LARP1B: variants seen among roughly 807,000 people sequenced by gnomAD.
LARP1B encodes la-related protein 1B.
LARP1B carries 76 observed loss-of-function variants against 114.2 expected under a neutral mutation model. The observed-to-expected ratio is 0.67, with a 90% CI of 0.55 to 0.81. The LOEUF (loss-of-function observed/expected upper bound fraction) is 0.81. LARP1B is among the 30% of genes least tolerant of loss of function. The probability of loss-of-function intolerance (pLI) is 0.00; values close to 1 mark genes in which losing one functional copy is unlikely to be tolerated. For synonymous variants in LARP1B, 345 were observed against 348.0 expected (o/e 0.99, Z 0.10); for missense variants, 1,014 against 1,075.8 (o/e 0.94, Z 0.80).
chr4:128,098,527 G>A (rs1038911822), intron 8 of LARP1B, among the ~76,000 whole-genome samples, 197 bp downstream of exon 8: 2 of 151,174 alleles, frequency 1.3e-5, no homozygotes, highest in Admixed American at 1.3e-4. Flanking sequence ...TATTGCTAAC[G>A]ATGTTACTGT....
chr4:128,072,913 A>G (rs1765938419), intron 1 of LARP1B, among the ~76,000 whole-genome samples: 1 of 152,166 alleles, frequency 6.6e-6, no homozygotes, highest in Non-Finnish European at 1.5e-5. Flanking sequence ...GTCAATACAT[A>G]TACAGCTTTG....
At chr4:128,083,325 T>C (rs1212762155) in intron 5 of LARP1B, among the ~76,000 whole-genome samples, 1 of 152,134 alleles carries the variant, frequency 6.6e-6, no homozygotes, top group East Asian at 1.9e-4. Context: ...CTCAATGAGC[T>C]GTTGGGTACA....
chr4:128,181,482 C>T (rs1041959395), intron 15 of LARP1B, among the ~76,000 whole-genome samples: 2 of 151,904 alleles, frequency 1.3e-5, no homozygotes, highest in African/African-American at 4.8e-5. Flanking sequence ...GCCCAGCTGT[C>T]TCATCTATTC....
In LARP1B at chr4:128,134,247, C is replaced by T. The variant is rs560189245; in HGVS notation, c.1524+12059C>T. On this transcript the variant is annotated intron_variant, in intron 11 of 19. Coordinates refer to ENST00000326639, the MANE Select transcript of LARP1B (RefSeq NM_018078.4). ...AACTCCTGGCCTTAAGCAATCCTTC[C>T]ATCTTGGCCTTGCAAAGTATTGGGA... 2.0e-5 allele frequency among the ~76,000 whole-genome samples: 3 copies of T among 152,180 alleles called. No individual in the cohort carries two copies. In the South Asian group the frequency reaches 6.2e-4, roughly 32 times the overall value.
Position 128,065,325 on chromosome 4 carries a change from C to CTTT in LARP1B, c.-78+3925_-78+3926insTTT, listed in dbSNP as rs1561012746. Among the ~76,000 whole-genome samples the CTTT allele has an allele frequency of 3.0e-3, 382 of 125,588 alleles. 5 individuals are homozygous for CTTT. The highest frequency in any genetic ancestry group is 4.6e-3 in the Middle Eastern group (1 of 218). The allele number at this position is 125,588 out of a possible 152,430, so 82.4% of individuals were successfully genotyped here. A position where few individuals can be genotyped will look rare whatever the true frequency, so the allele number is the denominator to read the frequency against. ...TCTTTCTTTCTTTCTTTCTCTCTCT[C>CTTT]TCTCTCTTTCCTTTCTTTTCTTTTC... On this transcript the variant is annotated intron_variant, in intron 1 of 19. Coordinates refer to ENST00000326639, the MANE Select transcript of LARP1B (RefSeq NM_018078.4).
chr4:128,178,442 G>A lies in LARP1B; in HGVS notation c.1696G>A (p.Glu566Lys), dbSNP rs932872909. ...TTTTTATTTTGCAGATTTGACTGAT[G>A]AATTAGCTCAGAAGTTATTTGATGT... is the stretch of plus-strand genomic sequence containing the variant. Reference protein sequence around the residue: ...LHIPKKDLTDELAQKLFDVSE... With the variant: ...LHIPKKDLTDKLAQKLFDVSE... The change falls in exon 14 of 20, where the codon GAA (glutamate) becomes AAA (lysine). Residue 566 changes from glutamate (E) to lysine (K), a missense_variant. Glu to Lys is a moderately conservative substitution (Grantham distance 56). Transcript: ENST00000326639. 5.0e-6 allele frequency: 8 copies of A among 1,610,938 alleles called. No individual in the cohort carries two copies. The highest frequency in any genetic ancestry group is 6.8e-6 in the Non-Finnish European group (8 of 1,178,398).
chr4:128,133,027 A>T (rs936420255), intron 11 of LARP1B, among the ~76,000 whole-genome samples: 18 of 151,982 alleles, frequency 1.2e-4, no homozygotes, highest in Non-Finnish European at 2.2e-4. Context: ...CTCCTATGAG[A>T]ATCTAATGCT....
chr4:128,064,295 G>A (rs1380987193), intron 1 of LARP1B, among the ~76,000 whole-genome samples: 1 of 62,834 alleles, frequency 1.6e-5, no homozygotes, highest in East Asian at 5.3e-4. Flanking sequence ...AAAAAAGTAC[G>A]GTGATTGTTA....
intron 9 of LARP1B, among the ~76,000 whole-genome samples, chr4:128,109,383 T>C (rs1246916246): frequency 2.0e-5 from 3 of 152,198 alleles, no homozygotes; most frequent in Admixed American, 2.0e-4. Flanking sequence ...TAAAATATTC[T>C]AACATAATTG....
At chr4:128,123,006 C>T in intron 11 of LARP1B, 2 of 984,550 alleles carry the variant, frequency 2.0e-6, no homozygotes, top group Non-Finnish European at 2.4e-6. Context: ...AATTATATAA[C>T]ATTATATGCC....
At chr4:128,212,545 G>T (rs534706748), downstream of LARP1B, among the ~76,000 whole-genome samples, 445 of 152,170 alleles carry the variant, frequency 2.9e-3, no homozygotes, top group Non-Finnish European at 5.2e-3. Context: ...TACTGGGGAG[G>T]CTGAGACAGG....
chr4:128,219,791 A>G (rs1473432451), intron 6 of LARP1B, among the ~76,000 whole-genome samples: 3 of 145,208 alleles, frequency 2.1e-5, no homozygotes, highest in African/African-American at 8.1e-5. Flanking sequence ...AACTTAAAGT[A>G]TAATAAAATA....
intron 17 of LARP1B, 78 bp downstream of exon 17, chr4:128,200,743 T>C (rs1025523154): frequency 1.9e-6 from 2 of 1,027,980 alleles, no homozygotes; most frequent in Admixed American, 2.7e-5. Flanking sequence ...GTAGATCCGA[T>C]AGAGGGAGTT....
intron 7 of LARP1B, among the ~76,000 whole-genome samples, chr4:128,093,232 G>A (rs747649681): frequency 4.6e-5 from 7 of 152,074 alleles, no homozygotes; most frequent in Non-Finnish European, 8.8e-5. Context: ...TTTTTACTTT[G>A]TATTATTTGG....
At chr4:128,121,346 T>A (rs1222930469) in intron 10 of LARP1B, among the ~76,000 whole-genome samples, 1 of 152,220 alleles carries the variant, frequency 6.6e-6, no homozygotes, top group Non-Finnish European at 1.5e-5. Context: ...AGACAGAGTT[T>A]CGCTCTTGTC....
At chr4:128,194,487 C>T (rs1447757699) in intron 15 of LARP1B, among the ~76,000 whole-genome samples, 1 of 151,584 alleles carries the variant, frequency 6.6e-6, no homozygotes, top group Non-Finnish European at 1.5e-5. Context: ...TTGAGACCAT[C>T]CTGGCTAACA....
intron 4 of LARP1B, 86 bp from the exon 5 acceptor site, chr4:128,082,079 T>C (rs1770724622): frequency 7.4e-6 from 9 of 1,220,872 alleles, no homozygotes; most frequent in East Asian, 2.3e-5. Flanking sequence ...GTTTCACTTA[T>C]TTGATTAAAG....
intron 8 of LARP1B, among the ~76,000 whole-genome samples, chr4:128,103,747 A>C (rs897647378): frequency 6.6e-6 from 1 of 151,930 alleles, no homozygotes; most frequent in Admixed American, 6.6e-5. Flanking sequence ...ATTTTAGTAG[A>C]GACGGGTTTT....
At chr4:128,191,989 G>C (rs546980700) in intron 15 of LARP1B, among the ~76,000 whole-genome samples, 5 of 152,224 alleles carry the variant, frequency 3.3e-5, no homozygotes, top group Admixed American at 1.3e-4. Context: ...GAGTTTTTCA[G>C]TTCTCTGTGG....
Sources: allele counts gnomAD v4.1 joint callset (sites outside exome capture counted in the v4.1 genomes callset), GRCh38; gene constraint gnomAD v4.1.1; transcripts MANE v1.5; gene names NCBI Gene and HGNC (gene_info 2026-07-23, HGNC 2026-07-21).